Variants in TENM1 observed in about 807,000 individuals in gnomAD.
TENM1 encodes teneurin transmembrane protein 1, also known as teneurin-1.
In TENM1, 35 loss-of-function variants were observed where a neutral mutation model predicts 174.8. The ratio of observed to expected loss-of-function variants is 0.20; its 90% CI spans 0.15 to 0.27. TENM1 has a LOEUF of 0.27. TENM1 is among the 10% of genes least tolerant of loss of function. TENM1 has a pLI of 1.00. For missense variants in TENM1, 1,633 were observed against 2,130.1 expected, an observed-to-expected ratio of 0.77 and a Z score of 4.59; for synonymous variants, 781 against 798.7, an observed-to-expected ratio of 0.98 and a Z score of 0.37.
the TENM1 span, among the ~76,000 whole-genome samples, chrX:125,181,175 A>T: frequency 1.0e-3 from 112 of 112,035 alleles, 2 homozygotes; most frequent in African/African-American, 3.5e-3. Flanking sequence ...TCAACATCAC[A>T]ACTCTGTGAG....
intron 1 of TENM1, among the ~76,000 whole-genome samples, chrX:124,905,737 C>G (rs1279970892): frequency 9.0e-6 from 1 of 111,379 alleles, no homozygotes; most frequent in Non-Finnish European, 1.9e-5. Flanking sequence ...TACGGAGTAC[C>G]AGAGAGGAGA....
the TENM1 span, among the ~76,000 whole-genome samples, chrX:125,026,164 G>A: frequency 1.9e-5 from 2 of 103,755 alleles, no homozygotes; most frequent in East Asian, 3.0e-4. Context: ...CAATCCTCCA[G>A]TAAAACCAAT....
chrX:125,162,077 A>G, the TENM1 span, among the ~76,000 whole-genome samples: 5 of 111,727 alleles, frequency 4.5e-5, no homozygotes, highest in South Asian at 1.9e-3. Flanking sequence ...AGAATCAACT[A>G]GGTTTTTTTT....
the TENM1 span, among the ~76,000 whole-genome samples, chrX:125,070,949 A>G: frequency 6.3e-5 from 7 of 111,925 alleles, no homozygotes; most frequent in Non-Finnish European, 1.3e-4. Flanking sequence ...CAGACTGGAC[A>G]TTCTACTCAC....
chrX:124,470,655 A>T (rs1202240037), intron 22 of TENM1, among the ~76,000 whole-genome samples: 1 of 111,348 alleles, frequency 9.0e-6, no homozygotes, highest in Non-Finnish European at 1.9e-5. Flanking sequence ...AATGTAATTT[A>T]AATATCTTTT....
intron 3 of TENM1, among the ~76,000 whole-genome samples, chrX:124,854,308 G>T (rs2056775951): frequency 9.0e-6 from 1 of 111,209 alleles, no homozygotes; most frequent in African/African-American, 3.3e-5. Flanking sequence ...AAGCTATGAG[G>T]ATTGAAAGGC....
intron 11 of TENM1, among the ~76,000 whole-genome samples, chrX:124,623,960 T>G (rs2050580722): frequency 8.9e-6 from 1 of 111,885 alleles, no homozygotes; most frequent in South Asian, 3.8e-4. Flanking sequence ...TTTCCTTTTG[T>G]TGGTTAAAAC....
At chrX:124,869,625 G>A (rs1301588994) in intron 3 of TENM1, among the ~76,000 whole-genome samples, 1 of 111,409 alleles carries the variant, frequency 9.0e-6, no homozygotes, top group Non-Finnish European at 1.9e-5. Context: ...TATACACCAT[G>A]GAGTACTGTT....
At chrX:125,183,837 G>A in the TENM1 span, among the ~76,000 whole-genome samples, 2 of 111,992 alleles carry the variant, frequency 1.8e-5, no homozygotes, top group Admixed American at 9.5e-5. Context: ...CTTTTAAATG[G>A]TGTGTGTATT....
intron 3 of TENM1, among the ~76,000 whole-genome samples, chrX:124,892,173 A>G (rs1438409257): frequency 8.9e-6 from 1 of 111,847 alleles, no homozygotes; most frequent in African/African-American, 3.3e-5. Flanking sequence ...ATGAATCTGC[A>G]TCTTTCTTGA....
chrX:124,739,298 TAATAAAAG>T (rs1291061101), intron 3 of TENM1, among the ~76,000 whole-genome samples: 2 of 112,038 alleles, frequency 1.8e-5, no homozygotes, highest in African/African-American at 6.5e-5. Flanking sequence ...TTATTGAATG[TAATAAAAG>T]TATAAAAGTA....
At chrX:124,642,999 C>T (rs1409310170) in intron 10 of TENM1, among the ~76,000 whole-genome samples, 1 of 111,693 alleles carries the variant, frequency 9.0e-6, no homozygotes, top group Non-Finnish European at 1.9e-5. Flanking sequence ...TAACTAAGCA[C>T]TATTATAATT....
the TENM1 span, among the ~76,000 whole-genome samples, chrX:124,971,984 C>T: frequency 2.7e-5 from 3 of 110,779 alleles, no homozygotes; most frequent in Admixed American, 2.9e-4. Context: ...CCTGTAATCC[C>T]AGCACTTTGA....
chrX:124,407,815 C>T (rs2060480173), intron 25 of TENM1, among the ~76,000 whole-genome samples: 2 of 113,027 alleles, frequency 1.8e-5, no homozygotes, highest in Non-Finnish European at 3.7e-5. Flanking sequence ...AGGTTATTGA[C>T]ATCACAGATA....
At chrX:124,794,740 A>C (rs1436033027) in intron 3 of TENM1, among the ~76,000 whole-genome samples, 1 of 111,660 alleles carries the variant, frequency 9.0e-6, no homozygotes. Context: ...ATTTAAGCTC[A>C]TTGTAATGGC....
the TENM1 span, among the ~76,000 whole-genome samples, chrX:125,159,697 T>C: frequency 8.9e-6 from 1 of 112,095 alleles, no homozygotes; most frequent in East Asian, 2.8e-4. Flanking sequence ...ATAAGAACAT[T>C]TTTTGTATTT....
the TENM1 span, among the ~76,000 whole-genome samples, chrX:125,196,476 C>A: frequency 1.8e-5 from 2 of 111,417 alleles, no homozygotes; most frequent in Non-Finnish European, 3.8e-5. Context: ...GATCACACAT[C>A]AGTATCACTC....
chrX:124,383,532 C>G, intron 30 of TENM1, 102 bp downstream of exon 33: 1 of 789,084 alleles, frequency 1.3e-6, no homozygotes, highest in Non-Finnish European at 1.8e-6. Context: ...GGCTAACTGT[C>G]AGGAAGAGGA....
At chrX:125,121,217 C>G in the TENM1 span, among the ~76,000 whole-genome samples, 4 of 111,152 alleles carry the variant, frequency 3.6e-5, no homozygotes, top group African/African-American at 1.3e-4. Flanking sequence ...TCATCCTATC[C>G]CTGATCTATA....
Sources: gnomAD v4.1 joint callset for allele counts (sites outside exome capture counted in the v4.1 genomes callset) on GRCh38, gnomAD v4.1.1 for gene constraint, MANE v1.5 for transcripts, NCBI Gene and HGNC (gene_info 2026-07-23, HGNC 2026-07-21) for gene names.